SPATA13: variants seen among roughly 807,000 people sequenced by gnomAD.
SPATA13 encodes spermatogenesis associated 13.
In SPATA13, 50 loss-of-function variants were observed where a neutral mutation model predicts 104.0. That is an observed-to-expected ratio of 0.48 (90% CI 0.38 to 0.61). The LOEUF (loss-of-function observed/expected upper bound fraction) is 0.61, where lower values mean the gene tolerates loss of function less well. SPATA13 is among the 20% of genes least tolerant of loss of function. SPATA13 has a pLI of 0.00. For synonymous variants in SPATA13, 606 were observed against 667.5 expected, an observed-to-expected ratio of 0.91 and a Z score of 1.42; for missense variants, 1,524 against 1,690.6, an observed-to-expected ratio of 0.90 and a Z score of 1.73.
intron 3 of SPATA13, among the ~76,000 whole-genome samples, chr13:24,133,570 A>G (rs1361719750): frequency 6.6e-6 from 1 of 152,108 alleles, no homozygotes; most frequent in Non-Finnish European, 1.5e-5. Context: ...GGTAAAACAC[A>G]ATAGCTAGAG....
At chr13:24,082,501 C>A (rs576784469) in intron 3 of SPATA13, among the ~76,000 whole-genome samples, 1 of 152,278 alleles carries the variant, frequency 6.6e-6, no homozygotes, top group East Asian at 1.9e-4. Flanking sequence ...GTGGCCTTTT[C>A]TATACTCAAC....
chr13:24,090,171 T>TC (rs1411628223), intron 3 of SPATA13, among the ~76,000 whole-genome samples: 2 of 151,868 alleles, frequency 1.3e-5, no homozygotes, highest in Non-Finnish European at 2.9e-5. Flanking sequence ...TGGTCAGATT[T>TC]CCCCCCAGTT....
At chr13:24,172,212 G>T (rs1466605527) in intron 1 of SPATA13, among the ~76,000 whole-genome samples, 1 of 152,206 alleles carries the variant, frequency 6.6e-6, no homozygotes, top group Non-Finnish European at 1.5e-5. Context: ...AAATCGGAAT[G>T]TTTGGGATTG....
intron 3 of SPATA13, among the ~76,000 whole-genome samples, chr13:24,092,289 C>G (rs1327127382): frequency 6.6e-6 from 1 of 152,182 alleles, no homozygotes; most frequent in Non-Finnish European, 1.5e-5. Flanking sequence ...CGGCAGCTCT[C>G]TAAGGAAGAC....
intron 4 of SPATA13, among the ~76,000 whole-genome samples, chr13:24,262,308 T>TA (rs1392819106): frequency 7.1e-6 from 1 of 140,938 alleles, no homozygotes; most frequent in Non-Finnish European, 1.6e-5. Context: ...AAGTTTTTTT[T>TA]CTTTTTTTTT....
chr13:24,176,590 T>C (rs1336312520), intron 1 of SPATA13, among the ~76,000 whole-genome samples: 1 of 152,094 alleles, frequency 6.6e-6, no homozygotes, highest in Non-Finnish European at 1.5e-5. Flanking sequence ...TTAAGCACGC[T>C]GGGTCCTGGC....
At chr13:24,038,062 C>CAT (rs1877773698) in intron 3 of SPATA13, among the ~76,000 whole-genome samples, 1 of 152,002 alleles carries the variant, frequency 6.6e-6, no homozygotes, top group Non-Finnish European at 1.5e-5. Flanking sequence ...TAGGCGCCTG[C>CAT]CACCATGCCC....
chr13:24,035,992 T>A (rs1877664575), intron 3 of SPATA13, among the ~76,000 whole-genome samples: 2 of 134,264 alleles, frequency 1.5e-5, no homozygotes, highest in African/African-American at 5.8e-5. Flanking sequence ...CCATCCTGGG[T>A]GACAGAGTAA....
intron 3 of SPATA13, among the ~76,000 whole-genome samples, chr13:24,074,384 ATT>A (rs374487361): frequency 1.1e-4 from 16 of 150,386 alleles, no homozygotes; most frequent in Admixed American, 3.3e-4. Context: ...AATAGACCAC[ATT>A]TTTTTTTTAC....
chr13:24,050,512 C>T (rs1878303358), intron 3 of SPATA13, among the ~76,000 whole-genome samples: 1 of 152,154 alleles, frequency 6.6e-6, no homozygotes, highest in Non-Finnish European at 1.5e-5. Flanking sequence ...GCCACTGTCC[C>T]TGGTCAGGCA....
chr13:24,174,391 T>C (rs9553206), intron 1 of SPATA13, among the ~76,000 whole-genome samples: 21,535 of 151,742 alleles, frequency 0.14, 1,636 homozygotes, highest in East Asian at 0.35. Context: ...GTTTGCTTTT[T>C]TTTTCTAGAT....
At chr13:24,007,631 A>AT (rs1324029801) in intron 2 of SPATA13, among the ~76,000 whole-genome samples, 1 of 152,078 alleles carries the variant, frequency 6.6e-6, no homozygotes, top group Non-Finnish European at 1.5e-5. Context: ...AATTTTTTGT[A>AT]TTTTTAGTAG....
At chr13:24,086,204 G>A (rs1237478238) in intron 3 of SPATA13, among the ~76,000 whole-genome samples, 1 of 152,212 alleles carries the variant, frequency 6.6e-6, no homozygotes, top group African/African-American at 2.4e-5. Context: ...GCCCGGCTAC[G>A]TTTGAATTTC....
intron 3 of SPATA13, among the ~76,000 whole-genome samples, chr13:24,097,450 G>A (rs568839513): frequency 9.9e-5 from 15 of 152,156 alleles, no homozygotes; most frequent in Non-Finnish European, 1.8e-4. Context: ...TCAGTTTTGA[G>A]TGTGTGGGTG....
At position 24,224,220 on chromosome 13, in the gene SPATA13, T is replaced by C. The variant is rs1871793462; in HGVS notation, c.1291T>C (p.Leu431=). 1 of 1,551,610 alleles carries C rather than the reference T, an allele frequency of 6.4e-7. No individual in the cohort carries two copies. Among genetic ancestry groups the C allele is most frequent in the African/African-American group, 1.4e-5 (1 of 73,018 alleles). ...CGACAGTTCCTGCACTTGCAGCTCTTTGCCAAGCCCGATTGTCCAGGATGT... is the reference window on the plus strand; with the variant it reads ...CGACAGTTCCTGCACTTGCAGCTCTCTGCCAAGCCCGATTGTCCAGGATGT... ...ESDSSCTCSS[L]PSPIVQDVLS... The change falls in exon 2 of 13, where the codon TTG becomes CTG. Residue 431 remains leucine, a synonymous_variant. Coordinates refer to ENST00000382108, the MANE Select transcript of SPATA13 (RefSeq NM_001166271.3).
chr13:24,114,516 T>C (rs996523946), intron 3 of SPATA13, among the ~76,000 whole-genome samples: 1 of 152,220 alleles, frequency 6.6e-6, no homozygotes, highest in Admixed American at 6.5e-5. Flanking sequence ...TCTCTTGGCA[T>C]CTCAGGCTGT....
intron 3 of SPATA13, among the ~76,000 whole-genome samples, chr13:24,114,178 C>T (rs2137816311): frequency 6.6e-6 from 1 of 152,324 alleles, no homozygotes; most frequent in African/African-American, 2.4e-5. Context: ...AGAAGCTTTC[C>T]AGAAACAGCT....
intron 4 of SPATA13, among the ~76,000 whole-genome samples, chr13:24,274,310 C>T (rs1339514660): frequency 6.6e-6 from 1 of 152,222 alleles, no homozygotes; most frequent in African/African-American, 2.4e-5. Flanking sequence ...GTGTCAGAAT[C>T]ATTTGAGGAG....
intron 2 of SPATA13, among the ~76,000 whole-genome samples, chr13:24,234,983 A>G (rs756889517): frequency 5.9e-5 from 9 of 152,248 alleles, no homozygotes; most frequent in Admixed American, 3.3e-4. Context: ...TTGGGATTAT[A>G]GTACTGCCTG....
Sources: allele counts gnomAD v4.1 joint callset (sites outside exome capture counted in the v4.1 genomes callset), GRCh38; gene constraint gnomAD v4.1.1; transcripts MANE v1.5; gene names NCBI Gene and HGNC (gene_info 2026-07-23, HGNC 2026-07-21).